The following CLEC16A variants were observed in gnomAD, a reference collection of about 807,000 sequenced individuals.
The protein encoded by CLEC16A is protein CLEC16A.
A neutral mutation model predicts 109.5 loss-of-function variants in CLEC16A; 51 were observed. The observed-to-expected ratio is 0.47, with a 90% confidence interval of 0.37 to 0.59. CLEC16A has a LOEUF of 0.59. Among genes scored for constraint, CLEC16A ranks in the 20% least tolerant of loss-of-function variants. CLEC16A has a pLI of 0.00. For synonymous variants in CLEC16A, 673 were observed against 564.2 expected (o/e 1.19, Z -2.73); for missense variants, 1,339 against 1,394.0 (o/e 0.96, Z 0.63).
chr16:10,985,011 C>T (rs1470996124), intron 10 of CLEC16A, among the ~76,000 whole-genome samples: 1 of 151,996 alleles, frequency 6.6e-6, no homozygotes, highest in Non-Finnish European at 1.5e-5. Flanking sequence ...ACCATCCTGG[C>T]TAACACGGTG....
chr16:11,056,700 T>C (rs770973902), intron 18 of CLEC16A: 5 of 152,238 alleles, frequency 3.3e-5, no homozygotes, highest in Non-Finnish European at 7.3e-5. Flanking sequence ...TTTCGATGTG[T>C]ATTATACATT....
intron 19 of CLEC16A, among the ~76,000 whole-genome samples, chr16:11,076,082 TA>T (rs1479848330): frequency 1.2e-4 from 7 of 59,118 alleles, no homozygotes; most frequent in Admixed American, 4.1e-4. Flanking sequence ...GTGGGGATTC[TA>T]GAAAACTGGG....
At chr16:11,103,180 C>G (rs2051021840) in intron 19 of CLEC16A, among the ~76,000 whole-genome samples, 1 of 152,210 alleles carries the variant, frequency 6.6e-6, no homozygotes, top group Admixed American at 6.5e-5. Flanking sequence ...GGGTCAGATC[C>G]AAGAATATGC....
intron 10 of CLEC16A, 28 bp from the exon 11 acceptor site, chr16:11,003,046 A>G (rs758243219): frequency 6.4e-7 from 1 of 1,568,372 alleles, no homozygotes; most frequent in South Asian, 1.2e-5. Context: ...GTTCAAATTC[A>G]CCTGTTGCCT....
In CLEC16A at chr16:11,181,587, A is replaced by G. The variant is rs1386801663; in HGVS notation, c.*2897A>G. ...TCGTCCCTTTCTGGACGTGCAAGGT[A>G]CCTGTCCCAGCAGGTCAGATGGGGC... On this transcript the variant is annotated 3_prime_UTR_variant, in exon 24 of 24. Transcript: ENST00000409790. The G allele has an allele frequency of 6.6e-6, 1 of 152,208 alleles. No homozygotes were observed. Among genetic ancestry groups the G allele is most frequent in the African/African-American group, 2.4e-5 (1 of 41,418 alleles). 9.4% of individuals were successfully genotyped at this position (152,208 alleles called of 1,614,324 possible).
chr16:11,141,524 T>C (rs963787512), intron 22 of CLEC16A, among the ~76,000 whole-genome samples: 9 of 151,748 alleles, frequency 5.9e-5, no homozygotes, highest in Admixed American at 5.9e-4. Context: ...TCTGGAGGGG[T>C]GCAAGGAGAC....
chr16:10,956,250 A>T (rs1400079275), intron 1 of CLEC16A, among the ~76,000 whole-genome samples: 1 of 152,246 alleles, frequency 6.6e-6, no homozygotes, highest in African/African-American at 2.4e-5. Context: ...ATGCTTGATT[A>T]TACTAGGTCT....
Position 11,003,109 on chromosome 16 carries a change from C to T in CLEC16A, c.1107C>T (p.Thr369=), listed in dbSNP as rs201475050. The T allele has an allele frequency of 1.1e-5, 18 of 1,613,226 alleles. No homozygotes were observed. Among genetic ancestry groups the T allele is most frequent in the Admixed American group, 5.0e-5 (3 of 59,914 alleles). ...GCATTCGGTGCTTCATTAAACCCAC[C>T]GAGACACTCGAGCGGTCCCTTGAGA... ...KPSIRCFIKP[T]ETLERSLEMN... Residue 369 remains threonine, a synonymous_variant, in exon 11 of 24, where the codon ACC becomes ACT. Transcript: ENST00000409790.
At chr16:11,066,674 C>G (rs2048778648) in intron 19 of CLEC16A, 1 of 152,206 alleles carries the variant, frequency 6.6e-6, no homozygotes, top group African/African-American at 2.4e-5. Context: ...TCTTGCCTGG[C>G]ATAACCTAGC....
chr16:11,057,168 A>T (rs1021583424), intron 18 of CLEC16A: 2 of 154,968 alleles, frequency 1.3e-5, no homozygotes, highest in Non-Finnish European at 2.9e-5. Flanking sequence ...TGCTTTCCCG[A>T]TGGGTTGTGC....
At chr16:11,120,015 G>A (rs963755174) in intron 19 of CLEC16A, among the ~76,000 whole-genome samples, 1 of 152,160 alleles carries the variant, frequency 6.6e-6, no homozygotes, top group African/African-American at 2.4e-5. Flanking sequence ...TTATTGCCCA[G>A]GTTGGAGTGC....
At chr16:11,108,322 C>T (rs564306779) in intron 19 of CLEC16A, among the ~76,000 whole-genome samples, 13 of 152,256 alleles carry the variant, frequency 8.5e-5, no homozygotes, top group Non-Finnish European at 1.6e-4. Flanking sequence ...ACTAGGTCTC[C>T]TGCTCGAAGG....
At chr16:11,166,258 TC>T in intron 22 of CLEC16A, 129 bp from the exon 23 acceptor site, 2 of 1,000,146 alleles carry the variant, frequency 2.0e-6, no homozygotes, top group Non-Finnish European at 2.8e-6. Context: ...ACCAGTGAGG[TC>T]AGCCTGTTCC....
intron 11 of CLEC16A, among the ~76,000 whole-genome samples, chr16:11,004,197 T>G (rs2044849819): frequency 6.6e-6 from 1 of 152,166 alleles, no homozygotes; most frequent in Admixed American, 6.5e-5. Flanking sequence ...TGCTAAAACC[T>G]TCTTGAATTG....
chr16:11,063,182 G>A (rs1031753271), intron 19 of CLEC16A, among the ~76,000 whole-genome samples: 5 of 151,964 alleles, frequency 3.3e-5, no homozygotes, highest in Non-Finnish European at 7.4e-5. Context: ...TGCTAAGGAG[G>A]GCGACTTTCA....
intron 19 of CLEC16A, among the ~76,000 whole-genome samples, chr16:11,090,077 C>G (rs145837484): frequency 2.0e-5 from 3 of 152,112 alleles, no homozygotes; most frequent in African/African-American, 7.2e-5. Context: ...CCCAGAAATA[C>G]GCTTGCTTAT....
At chr16:10,966,316 G>C (rs375954309) in intron 3 of CLEC16A, among the ~76,000 whole-genome samples, 2 of 152,214 alleles carry the variant, frequency 1.3e-5, no homozygotes, top group Non-Finnish European at 1.5e-5. Context: ...GGAAGTGTGC[G>C]TACTGTCTGC....
chr16:11,001,469 A>G (rs1258789646), intron 10 of CLEC16A, among the ~76,000 whole-genome samples: 1 of 152,104 alleles, frequency 6.6e-6, no homozygotes, highest in Non-Finnish European at 1.5e-5. Flanking sequence ...TGAGCTTTGG[A>G]ATTGGCAAGC....
chr16:11,039,318 G>T (rs1017035811), intron 13 of CLEC16A, among the ~76,000 whole-genome samples: 8 of 152,050 alleles, frequency 5.3e-5, no homozygotes, highest in Non-Finnish European at 1.0e-4. Flanking sequence ...AACATTTTTT[G>T]ATTTTTAAAA....
Sources: gnomAD v4.1 joint callset for allele counts (sites outside exome capture counted in the v4.1 genomes callset) on GRCh38, gnomAD v4.1.1 for gene constraint, MANE v1.5 for transcripts, NCBI Gene and HGNC (gene_info 2026-07-23, HGNC 2026-07-21) for gene names.